Variants in DENND1A observed in about 807,000 individuals in gnomAD.
DENND1A encodes DENN domain containing 1A, also known as DENN domain-containing protein 1A.
Under a neutral mutation model 113.7 loss-of-function variants are expected in DENND1A, and 51 were observed. The observed-to-expected ratio is 0.45, with a 90% CI of 0.36 to 0.57. The LOEUF (loss-of-function observed/expected upper bound fraction) is 0.57. Ranked by LOEUF, DENND1A falls within the 20% of genes least tolerant of loss-of-function variation. The pLI, the probability that DENND1A is intolerant of heterozygous loss-of-function variation, is 0.00. For synonymous variants in DENND1A, 565 were observed against 570.8 expected (o/e 0.99, Z 0.14); for missense variants, 1,258 against 1,395.9 (o/e 0.90, Z 1.57).
intron 1 of DENND1A, among the ~76,000 whole-genome samples, chr9:123,889,109 C>G (rs531688472): frequency 6.6e-6 from 1 of 151,942 alleles, no homozygotes; most frequent in East Asian, 1.9e-4. Context: ...TTTCTCTGAC[C>G]TTCCTTTTAC....
At position 123,492,506 on chromosome 9, in the gene DENND1A, T is replaced by C. The variant is rs557378394; in HGVS notation, c.994-34609A>G. On this transcript the variant is annotated intron_variant, in intron 13 of 23. Transcript: ENST00000394215. Reference sequence around the variant, plus strand: ...TGAAGGGAATTGAAAGTGGAGATCATGGGCCAGGTTGTGAAGGTCTTGGAT... The same window carrying C: ...TGAAGGGAATTGAAAGTGGAGATCACGGGCCAGGTTGTGAAGGTCTTGGAT... Among the ~76,000 whole-genome samples the C allele has an allele frequency of 4.6e-5, 7 of 152,246 alleles. No individual in the cohort carries two copies. The East Asian group carries it at 1.2e-3, about 25-fold the overall frequency.
intron 2 of DENND1A, among the ~76,000 whole-genome samples, chr9:123,829,104 T>C (rs1266382288): frequency 6.6e-6 from 1 of 152,120 alleles, no homozygotes; most frequent in African/African-American, 2.4e-5. Context: ...GCTACCTACT[T>C]CTCCTCCTAA....
intron 1 of DENND1A, among the ~76,000 whole-genome samples, chr9:123,879,715 C>A (rs972278641): frequency 5.9e-5 from 9 of 152,170 alleles, no homozygotes; most frequent in African/African-American, 2.2e-4. Context: ...GCAACACCAG[C>A]ACAAATTAGC....
At chr9:123,904,070 C>T (rs1167637123) in intron 1 of DENND1A, among the ~76,000 whole-genome samples, 2 of 152,086 alleles carry the variant, frequency 1.3e-5, no homozygotes, top group Admixed American at 6.6e-5. Context: ...GACCCCTGAC[C>T]CCCGAGCAGC....
In DENND1A at chr9:123,621,942, C is replaced by T. The variant is rs552100031; in HGVS notation, c.719+8434G>A. On this transcript the variant is annotated intron_variant, in intron 10 of 23. Transcript: ENST00000394215. ...AATCCTACATGGAATATGTGATGCA[C>T]CATGTGGGGGCTGATTCAGAACCCT... Among the ~76,000 whole-genome samples, 11 of 152,234 alleles carry T rather than the reference C, an allele frequency of 7.2e-5. No individual in the cohort carries two copies. The South Asian group carries it at 2.3e-3, about 32-fold the overall frequency.
In DENND1A at chr9:123,929,921, T is replaced by G; in HGVS notation, c.-16A>C. 3.1e-6 allele frequency: 1 copy of G among 322,412 alleles called. No individual in the cohort carries two copies. The highest frequency in any genetic ancestry group is 6.5e-5 in the East Asian group (1 of 15,386). 20.0% of individuals were successfully genotyped at this position (322,412 alleles called of 1,614,324 possible). The stretch of plus-strand genomic sequence containing the variant: ...TGGAGCCCATGGTCCCCAGGCCTCC[T>G]CATGGGCCCGCGGGCCCCGCTCGGC... On this transcript the variant is annotated 5_prime_UTR_variant, in exon 1 of 24. Coordinates refer to ENST00000394215, the MANE Select transcript of DENND1A (RefSeq NM_001352964.2).
At chr9:123,911,285 T>C (rs1468865641) in intron 1 of DENND1A, among the ~76,000 whole-genome samples, 1 of 152,164 alleles carries the variant, frequency 6.6e-6, no homozygotes, top group Non-Finnish European at 1.5e-5. Context: ...ATATAAAGTG[T>C]TGGATATGAA....
chr9:123,456,632 G>A (rs529751020), intron 15 of DENND1A, among the ~76,000 whole-genome samples: 7 of 152,108 alleles, frequency 4.6e-5, no homozygotes, highest in Non-Finnish European at 7.4e-5. Context: ...CCAACATGGC[G>A]AAACCCTGTC....
Position 123,381,232 on chromosome 9 carries a change from C to T in DENND1A, c.*200G>A. ...GGGCACTCAGGAACTGGGTTGATTC[C>T]CAGGCTGGAACTGGTGCCATTCCCC... On this transcript the variant is annotated 3_prime_UTR_variant, in exon 24 of 24. Transcript: ENST00000394215. This position sits in a 1 kb window ranked among gnomAD's most constrained non-coding sequence, Gnocchi z 4.7. 2 of 619,290 alleles carry T rather than the reference C, an allele frequency of 3.2e-6. 1 individual carries two copies. Among genetic ancestry groups the T allele is most frequent in the Non-Finnish European group, 5.6e-6 (2 of 356,098 alleles). 38.4% of individuals were successfully genotyped at this position (619,290 alleles called of 1,614,324 possible).
chr9:123,763,002 C>T lies in DENND1A; in HGVS notation c.183-5180G>A, dbSNP rs536832933. 9.2e-5 allele frequency among the ~76,000 whole-genome samples: 14 copies of T among 151,964 alleles called. No homozygotes were observed. The East Asian group carries it at 2.7e-3, about 29-fold the overall frequency. ...GCACAGGAGATAAAGGGGAAAGTGG[C>T]ATCACATTAAGCTGCTAGATAAAGC... On this transcript the variant is annotated intron_variant, in intron 4 of 23. Coordinates refer to ENST00000394215, the MANE Select transcript of DENND1A (RefSeq NM_001352964.2).
At chr9:123,630,345 G>T in intron 10 of DENND1A, 31 bp downstream of exon 10, 1 of 1,527,730 alleles carries the variant, frequency 6.5e-7, no homozygotes, top group South Asian at 1.2e-5. Flanking sequence ...CAGGGCAAAG[G>T]AGAAGCAGAG....
chr9:123,874,513 T>C (rs1417704392), intron 2 of DENND1A, among the ~76,000 whole-genome samples: 2 of 152,060 alleles, frequency 1.3e-5, no homozygotes, highest in Non-Finnish European at 2.9e-5. Context: ...GCTAGTACCA[T>C]CTACTAAGGA....
intron 5 of DENND1A, among the ~76,000 whole-genome samples, chr9:123,687,011 G>A (rs1224954707): frequency 6.6e-6 from 1 of 152,122 alleles, no homozygotes; most frequent in Non-Finnish European, 1.5e-5. Context: ...ATGCTTCAAT[G>A]CCTTTCCTTG....
At chr9:123,545,665 C>T (rs1258979380) in intron 13 of DENND1A, among the ~76,000 whole-genome samples, 2 of 152,014 alleles carry the variant, frequency 1.3e-5, no homozygotes, top group Admixed American at 6.6e-5. Flanking sequence ...GACGGGGTTT[C>T]ACTGTGTTAG....
rs530547322 is a variant in DENND1A at position 123,899,385 on chromosome 9, A to G, written c.18-20364T>C. 3.9e-5 allele frequency among the ~76,000 whole-genome samples: 6 copies of G among 152,188 alleles called. No individual in the cohort carries two copies. The East Asian group carries it at 1.2e-3, about 29-fold the overall frequency. ...CATTTCAGCTTCTCCTCTCTCCCCC[A>G]TATTCAATTAATTTAATGGTTCTCT... is the stretch of plus-strand genomic sequence containing the variant. On this transcript the variant is annotated intron_variant, in intron 1 of 23. Transcript: ENST00000394215.
intron 11 of DENND1A, among the ~76,000 whole-genome samples, chr9:123,607,488 G>GAGAC (rs1175187836): frequency 1.4e-5 from 1 of 70,992 alleles, no homozygotes; most frequent in African/African-American, 6.1e-5. Context: ...CAGAGAGAGA[G>GAGAC]ACACACACAC....
chr9:123,716,430 A>G (rs2066982006), intron 5 of DENND1A, among the ~76,000 whole-genome samples: 4 of 152,090 alleles, frequency 2.6e-5, no homozygotes, highest in African/African-American at 9.7e-5. Context: ...AGGAGGGGGG[A>G]ACCAAGGGAG....
chr9:123,914,619 T>TCTG (rs1854739386), intron 1 of DENND1A, among the ~76,000 whole-genome samples: 1 of 151,764 alleles, frequency 6.6e-6, no homozygotes, highest in Admixed American at 6.6e-5. Flanking sequence ...GGCTCATAGT[T>TCTG]CTGTAGGCTC....
chr9:123,588,990 T>C (rs55870061), intron 11 of DENND1A, among the ~76,000 whole-genome samples: 64 of 152,172 alleles, frequency 4.2e-4, no homozygotes, highest in Non-Finnish European at 6.8e-4. Flanking sequence ...GTGGTCTTGA[T>C]CTCCTGATCT....
Sources: allele counts gnomAD v4.1 joint callset (sites outside exome capture counted in the v4.1 genomes callset), GRCh38; gene constraint gnomAD v4.1.1; non-coding constraint Gnocchi (gnomAD v3.1); transcripts MANE v1.5; gene names NCBI Gene and HGNC (gene_info 2026-07-23, HGNC 2026-07-21).